Variants in PCDHGA3 observed in about 807,000 individuals in gnomAD.
PCDHGA3 encodes the protein protocadherin gamma-A3.
PCDHGA3 carries 40 observed loss-of-function variants against 58.5 expected under a neutral mutation model. The ratio of observed to expected loss-of-function variants is 0.68; its 90% CI spans 0.53 to 0.89. The LOEUF (loss-of-function observed/expected upper bound fraction) is 0.89, where lower values mean the gene tolerates loss of function less well. PCDHGA3 is among the 40% of genes least tolerant of loss of function. PCDHGA3 has a pLI of 0.00. For synonymous variants in PCDHGA3, 530 were observed against 525.7 expected, an observed-to-expected ratio of 1.01 and a Z score of -0.11; for missense variants, 1,223 against 1,195.9, an observed-to-expected ratio of 1.02 and a Z score of -0.33.
Position 141,427,790 on chromosome 5 carries a change from C to T in PCDHGA3, c.2425-67017C>T, listed in dbSNP as rs1212280689. ...TGGAGCTGCGGGCACTGTCGTCCTACGTGTCCGTGAGCGCACAGAGCGGGG... is the reference window on the plus strand; with the variant it reads ...TGGAGCTGCGGGCACTGTCGTCCTATGTGTCCGTGAGCGCACAGAGCGGGG... On this transcript the variant is annotated intron_variant, in intron 1 of 3. Transcript: ENST00000253812. 2.0e-6 allele frequency: 3 copies of T among 1,482,108 alleles called. No homozygotes were observed. The Admixed American group carries it at 5.0e-5, about 25-fold the overall frequency. 91.8% of individuals were successfully genotyped at this position (1,482,108 alleles called of 1,614,324 possible).
At position 141,357,730 on chromosome 5, in the gene PCDHGA3, A is replaced by T. The variant is rs1330866437; in HGVS notation, c.2424+11273A>T. 35 of 1,357,520 alleles carry T rather than the reference A, an allele frequency of 2.6e-5. No individual in the cohort carries two copies. The East Asian group carries it at 8.3e-4, about 32-fold the overall frequency. The allele number at this position is 1,357,520 out of a possible 1,614,324, so 84.1% of individuals were successfully genotyped here. ...ATCAAATAAAGTTGCCTCTTTTAAT[A>T]TTTTATTGCTTTAAAGAAAACTGGT... On this transcript the variant is annotated intron_variant, in intron 1 of 3. Coordinates refer to ENST00000253812, the MANE Select transcript of PCDHGA3 (RefSeq NM_018916.4).
Position 141,462,050 on chromosome 5 carries a change from C to T in PCDHGA3, c.2425-32757C>T, listed in dbSNP as rs146056741. On this transcript the variant is annotated intron_variant, in intron 1 of 3. Coordinates refer to ENST00000253812, the MANE Select transcript of PCDHGA3 (RefSeq NM_018916.4). ...GTTGGTCAGGCGGGTCTTGAACTCC[C>T]GACCTCAGGTGATCTGCCCGCCTTG... is the stretch of plus-strand genomic sequence containing the variant. 5.5e-3 allele frequency among the ~76,000 whole-genome samples: 830 copies of T among 151,978 alleles called. 23 individuals are homozygous for T. The East Asian group carries it at 0.095, about 17-fold the overall frequency.
chr5:141,399,332 C>T (rs2093787388), intron 1 of PCDHGA3: 1 of 1,613,994 alleles, frequency 6.2e-7, no homozygotes, highest in Non-Finnish European at 8.5e-7. Flanking sequence ...AAGTTGGTAA[C>T]AGATGGAACC....
At chr5:141,457,062 T>C (rs1168687034) in intron 1 of PCDHGA3, among the ~76,000 whole-genome samples, 1 of 152,232 alleles carries the variant, frequency 6.6e-6, no homozygotes, top group Non-Finnish European at 1.5e-5. Context: ...GCTTCCTTTT[T>C]GCCAGTAACT....
intron 1 of PCDHGA3, chr5:141,427,995 G>T (rs1292989797): frequency 6.3e-7 from 1 of 1,599,590 alleles, no homozygotes; most frequent in Non-Finnish European, 8.6e-7. Flanking sequence ...CGATGGCTCC[G>T]CACTCTTCGA....
chr5:141,409,096 A>C, intron 1 of PCDHGA3: 1 of 1,614,074 alleles, frequency 6.2e-7, no homozygotes, highest in African/African-American at 1.3e-5. Context: ...ATGAGAAAAC[A>C]GGTATGATTA....
intron 1 of PCDHGA3, among the ~76,000 whole-genome samples, chr5:141,464,193 A>C (rs991769179): frequency 1.3e-5 from 2 of 149,674 alleles, no homozygotes; most frequent in Non-Finnish European, 3.0e-5. Flanking sequence ...TGATTTCAGG[A>C]GGCGGAGATT....
At chr5:141,444,125 C>A (rs1459174213) in intron 1 of PCDHGA3, among the ~76,000 whole-genome samples, 2 of 130,784 alleles carry the variant, frequency 1.5e-5, no homozygotes, top group African/African-American at 5.7e-5. Flanking sequence ...AGTATCTCAA[C>A]AGATATGTGT....
Position 141,512,089 on chromosome 5 carries a change from T to C in PCDHGA3, c.*916T>C, listed in dbSNP as rs1292597067. 6.6e-6 allele frequency: 1 copy of C among 152,606 alleles called. No individual in the cohort carries two copies. Among genetic ancestry groups the C allele is most frequent in the Non-Finnish European group, 1.5e-5 (1 of 68,068 alleles). 9.5% of individuals were successfully genotyped at this position (152,606 alleles called of 1,614,324 possible). A position where few individuals can be genotyped will look rare whatever the true frequency, so the allele number is the denominator to read the frequency against. ...CCTCCAGATTCCAGCCATAAACCAA[T>C]AACTAGGCTGGACCCTTCCCACTAC... On this transcript the variant is annotated 3_prime_UTR_variant, in exon 4 of 4. Coordinates refer to ENST00000253812, the MANE Select transcript of PCDHGA3 (RefSeq NM_018916.4).
At chr5:141,365,169 C>G (rs1419653105) in intron 1 of PCDHGA3, 1 of 1,613,808 alleles carries the variant, frequency 6.2e-7, no homozygotes, top group Non-Finnish European at 8.5e-7. Context: ...TTGACCTACT[C>G]TTTTCGCAAT....
chr5:141,399,546 G>A, intron 1 of PCDHGA3: 1 of 1,614,032 alleles, frequency 6.2e-7, no homozygotes, highest in Non-Finnish European at 8.5e-7. Context: ...TCTGCGCCTC[G>A]GACCTGGACT....
chr5:141,377,469 A>C (rs6896353), intron 1 of PCDHGA3: 1 of 151,896 alleles, frequency 6.6e-6, no homozygotes, highest in Non-Finnish European at 1.5e-5. Context: ...TGTGGCGTAC[A>C]CCTGTAGTCC....
Position 141,344,443 on chromosome 5 carries a change from A to G in PCDHGA3, c.410A>G (p.Glu137Gly). ...AATGCTCCTAATTTCCCAACAGAGG[A>G]ATTGGAAATAAAAATTGGTGAACTA... is the stretch of plus-strand genomic sequence containing the variant. ...NDNAPNFPTE[E>G]LEIKIGELTV... Residue 137 changes from glutamate (E) to glycine (G), a missense_variant, in exon 1 of 4, where the codon GAA (glutamate) becomes GGA (glycine). Physicochemically the swap from Glu to Gly is moderately conservative, Grantham distance 98 (BLOSUM62 -2). Transcript: ENST00000253812. 3 of 1,613,686 alleles carry G rather than the reference A, an allele frequency of 1.9e-6. No homozygotes were observed. The highest frequency in any genetic ancestry group is 2.5e-6 in the Non-Finnish European group (3 of 1,179,742).
intron 1 of PCDHGA3, chr5:141,382,981 G>A (rs781148657): frequency 6.2e-7 from 1 of 1,612,324 alleles, no homozygotes; most frequent in Non-Finnish European, 8.5e-7. Flanking sequence ...GGAAGCCTGG[G>A]CAGGACGTAT....
rs1418271960 is a variant in PCDHGA3 at position 141,372,958 on chromosome 5, T to C, written c.2424+26501T>C. ...AGTAGGGTGTCTAGGAAATTCTTTG[T>C]AGAATTTCCTGTAGAATATCTGTGT... On this transcript the variant is annotated intron_variant, in intron 1 of 3. Transcript: ENST00000253812. 8.4e-6 allele frequency: 6 copies of C among 710,456 alleles called. No individual in the cohort carries two copies. The Middle Eastern group carries it at 1.1e-3, about 132-fold the overall frequency. The allele number at this position is 710,456 out of a possible 1,614,324, so 44.0% of individuals were successfully genotyped here. A position where few individuals can be genotyped will look rare whatever the true frequency, so the allele number is the denominator to read the frequency against.
In PCDHGA3 at chr5:141,491,652, G is replaced by A. The variant is rs370043428; in HGVS notation, c.2425-3155G>A. ...AGCAGCCCACAGCTCTGGCGCTGGAGCCTGACGCCATCCGGTCCCGCTCTA... is the reference window on the plus strand; with the variant it reads ...AGCAGCCCACAGCTCTGGCGCTGGAACCTGACGCCATCCGGTCCCGCTCTA... On this transcript the variant is annotated intron_variant, in intron 1 of 3. Transcript: ENST00000253812. This position sits in a 1 kb window ranked among gnomAD's most constrained non-coding sequence, Gnocchi z 6.9. 2 of 1,613,726 alleles carry A rather than the reference G, an allele frequency of 1.2e-6. No homozygotes were observed. Among genetic ancestry groups the A allele is most frequent in the African/African-American group, 1.3e-5 (1 of 74,944 alleles).
At chr5:141,376,228 A>G (rs762009445) in intron 1 of PCDHGA3, 17 of 1,613,956 alleles carry the variant, frequency 1.1e-5, no homozygotes, top group Admixed American at 3.3e-5. Context: ...TGGCGCTCAG[A>G]CTGCAGCGCT....
At chr5:141,481,216 G>T (rs2099534005) in intron 1 of PCDHGA3, among the ~76,000 whole-genome samples, 3 of 152,110 alleles carry the variant, frequency 2.0e-5, no homozygotes, top group Admixed American at 6.5e-5. Flanking sequence ...ACATGGTAAG[G>T]TCTCCCAGCC....
At chr5:141,399,758 T>G in intron 1 of PCDHGA3, 1 of 1,613,334 alleles carries the variant, frequency 6.2e-7, no homozygotes, top group Non-Finnish European at 8.5e-7. Context: ...AACGTGAGCC[T>G]GCGCGTGTTG....
Sources: gnomAD v4.1 joint callset for allele counts (sites outside exome capture counted in the v4.1 genomes callset) on GRCh38, gnomAD v4.1.1 for gene constraint, Gnocchi (gnomAD v3.1) non-coding constraint, MANE v1.5 for transcripts, NCBI Gene and HGNC (gene_info 2026-07-23, HGNC 2026-07-21) for gene names.